BARD1: variants seen among roughly 807,000 people sequenced by gnomAD.
BARD1 encodes BRCA1-associated RING domain protein 1.
In BARD1, 73 loss-of-function variants were observed where a neutral mutation model predicts 77.0. The observed-to-expected ratio is 0.95, with a 90% CI of 0.79 to 1.15. The LOEUF (loss-of-function observed/expected upper bound fraction) is 1.15. BARD1 is among the 50% of genes most tolerant of loss of function. The pLI, the probability that BARD1 is intolerant of heterozygous loss-of-function variation, is 0.00. For synonymous variants in BARD1, 384 were observed against 338.0 expected (o/e 1.14, Z -1.49); for missense variants, 993 against 938.8 (o/e 1.06, Z -0.75).
Position 214,745,057 on chromosome 2 carries a change from C to G in BARD1, c.1903+10G>C, listed in dbSNP as rs772705699. 1 of 1,609,832 alleles carries G rather than the reference C, an allele frequency of 6.2e-7. No homozygotes were observed. The highest frequency in any genetic ancestry group is 2.2e-5 in the East Asian group (1 of 44,794). Reference sequence around the variant, plus strand: ...ATTCATTTCTTAATTCTCTCAAATCCAACACTTACATTCAAATTTTAGAAT... The same window carrying G: ...ATTCATTTCTTAATTCTCTCAAATCGAACACTTACATTCAAATTTTAGAAT... On this transcript the variant is annotated intron_variant, in intron 9 of 10. Coordinates refer to ENST00000260947, the MANE Select transcript of BARD1 (RefSeq NM_000465.4).
At chr2:214,791,010 A>G (rs533647736) in intron 3 of BARD1, among the ~76,000 whole-genome samples, 1 of 152,322 alleles carries the variant, frequency 6.6e-6, no homozygotes, top group Non-Finnish European at 1.5e-5. Flanking sequence ...TTAAATAAGA[A>G]GAGTTCAGAT....
chr2:214,809,650 G>C lies in BARD1; in HGVS notation c.-81C>G. ...GAAACCACAGGGAAGCTGCAGGCCA[G>C]CGACTCGAAACCGGCCAAGCTCTTC... On this transcript the variant is annotated 5_prime_UTR_variant, in exon 1 of 11. Coordinates refer to ENST00000260947, the MANE Select transcript of BARD1 (RefSeq NM_000465.4). 1 of 1,495,036 alleles carries C rather than the reference G, an allele frequency of 6.7e-7. No individual in the cohort carries two copies. The highest frequency in any genetic ancestry group is 9.0e-7 in the Non-Finnish European group (1 of 1,113,758). The allele number at this position is 1,495,036 out of a possible 1,614,324, so 92.6% of individuals were successfully genotyped here. A position where few individuals can be genotyped will look rare whatever the true frequency, so the allele number is the denominator to read the frequency against.
intron 9 of BARD1, among the ~76,000 whole-genome samples, chr2:214,743,518 A>C (rs1422309059): frequency 6.6e-6 from 1 of 152,244 alleles, no homozygotes; most frequent in Non-Finnish European, 1.5e-5. Context: ...AACATCTAAC[A>C]CCGCTATAAC....
rs538389082 is a variant in BARD1, at chr2:214,730,738, A to G, written c.1904-230T>C. On this transcript the variant is annotated intron_variant, in intron 9 of 10. Transcript: ENST00000260947. ...AACTCTTTCTTTGGAGGATTAAGCC[A>G]TAAGTTAGTACTGAACACTAACTGT... Among the ~76,000 whole-genome samples the G allele has an allele frequency of 2.6e-5, 4 of 152,348 alleles. No homozygotes were observed. The South Asian group carries it at 8.3e-4, about 32-fold the overall frequency.
intron 9 of BARD1, among the ~76,000 whole-genome samples, chr2:214,738,587 A>G (rs1049753468): frequency 6.6e-6 from 1 of 152,140 alleles, no homozygotes; most frequent in Non-Finnish European, 1.5e-5. Context: ...ACCACTGATG[A>G]TGGTCATGGT....
rs543606863 is a variant in BARD1 at position 214,780,880 on chromosome 2, T to C, written c.994A>G (p.Ile332Val). ...ATGCTGGTTCTACATCTCTTAGAAATGGGACTGGAAAGTCTATTGTGATGG... is the reference window on the plus strand; with the variant it reads ...ATGCTGGTTCTACATCTCTTAGAAACGGGACTGGAAAGTCTATTGTGATGG... ...RGHHNRLSSP[I>V]SKRCRTSILS... Residue 332 changes from isoleucine (I) to valine (V), a missense_variant, in exon 4 of 11, where the codon ATT (isoleucine) becomes GTT (valine). Ile to Val is a conservative substitution (Grantham distance 29). Coordinates refer to ENST00000260947, the MANE Select transcript of BARD1 (RefSeq NM_000465.4). The C allele has an allele frequency of 6.2e-7, 1 of 1,614,136 alleles. No individual in the cohort carries two copies. Among genetic ancestry groups the C allele is most frequent in the South Asian group, 1.1e-5 (1 of 91,086 alleles).
At chr2:214,740,297 G>T (rs1019019871) in intron 9 of BARD1, among the ~76,000 whole-genome samples, 32 of 152,058 alleles carry the variant, frequency 2.1e-4, no homozygotes, top group African/African-American at 7.7e-4. Context: ...ATACATGCAG[G>T]TTCTAATTTC....
At chr2:214,758,076 C>G (rs1222027299) in intron 6 of BARD1, among the ~76,000 whole-genome samples, 1 of 152,012 alleles carries the variant, frequency 6.6e-6, no homozygotes, top group Non-Finnish European at 1.5e-5. Flanking sequence ...GGACTTCCTC[C>G]CAAAGGCAAT....
At chr2:214,800,140 A>C (rs1695949912) in intron 1 of BARD1, among the ~76,000 whole-genome samples, 2 of 152,012 alleles carry the variant, frequency 1.3e-5, no homozygotes, top group South Asian at 4.1e-4. Context: ...AGATGACTGA[A>C]CTCTTTAGCT....
intron 9 of BARD1, among the ~76,000 whole-genome samples, chr2:214,734,231 C>G (rs1206127195): frequency 1.3e-5 from 2 of 151,786 alleles, no homozygotes; most frequent in Non-Finnish European, 2.9e-5. Flanking sequence ...AAGTGGTATT[C>G]AAAAATACTA....
chr2:214,769,697 T>C (rs1053552689), intron 4 of BARD1, among the ~76,000 whole-genome samples: 2 of 152,088 alleles, frequency 1.3e-5, no homozygotes, highest in Non-Finnish European at 2.9e-5. Context: ...GCCAAGATCA[T>C]GTCACTGCAC....
chr2:214,733,932 T>C (rs370101889), intron 9 of BARD1, among the ~76,000 whole-genome samples: 1 of 152,290 alleles, frequency 6.6e-6, no homozygotes, highest in South Asian at 2.1e-4. Flanking sequence ...AGCTTATACA[T>C]AGACAAACAT....
At chr2:214,766,428 ATAAT>A (rs1694198425) in intron 6 of BARD1, among the ~76,000 whole-genome samples, 1 of 152,242 alleles carries the variant, frequency 6.6e-6, no homozygotes, top group South Asian at 2.1e-4. Flanking sequence ...AGCATACAAA[ATAAT>A]TATTTCTACA....
rs2105982961 is a variant in BARD1, at chr2:214,726,873, A to G, written c.*1803T>C. On this transcript the variant is annotated 3_prime_UTR_variant, in exon 11 of 11. Transcript: ENST00000260947. ...ATAAACCAAGAAAATGAATGACAAA[A>G]ACTAAGAGACCTCATAGGTGTCTTT... 4.4e-6 allele frequency: 1 copy of G among 228,906 alleles called. No homozygotes were observed. The allele number at this position is 228,906 out of a possible 1,614,324, so 14.2% of individuals were successfully genotyped here.
At position 214,726,840 on chromosome 2, in the gene BARD1, G is replaced by C. The variant is rs1254533811; in HGVS notation, c.*1836C>G. ...TCAGGGAAAAACAACAAAAAGAAGG[G>C]AGGGGTGATAAACCAAGAAAATGAA... On this transcript the variant is annotated 3_prime_UTR_variant, in exon 11 of 11. Coordinates refer to ENST00000260947, the MANE Select transcript of BARD1 (RefSeq NM_000465.4). The C allele has an allele frequency of 8.7e-6, 2 of 229,148 alleles. No individual in the cohort carries two copies. The highest frequency in any genetic ancestry group is 1.7e-5 in the Non-Finnish European group (2 of 115,500). 14.2% of individuals were successfully genotyped at this position (229,148 alleles called of 1,614,324 possible). A position where few individuals can be genotyped will look rare whatever the true frequency, so the allele number is the denominator to read the frequency against.
intron 4 of BARD1, among the ~76,000 whole-genome samples, chr2:214,777,830 A>G (rs762138708): frequency 1.3e-5 from 2 of 152,252 alleles, no homozygotes; most frequent in Non-Finnish European, 2.9e-5. Context: ...CAGAATTGCA[A>G]TATGTGTACA....
chr2:214,809,011 C>A (rs573992640), intron 1 of BARD1, among the ~76,000 whole-genome samples: 1 of 152,308 alleles, frequency 6.6e-6, no homozygotes, highest in South Asian at 2.1e-4. Flanking sequence ...CCCGCCAGCC[C>A]AATTCGCCAC....
chr2:214,742,519 G>A (rs957916282), intron 9 of BARD1, among the ~76,000 whole-genome samples: 1 of 152,094 alleles, frequency 6.6e-6, no homozygotes, highest in Non-Finnish European at 1.5e-5. Context: ...AAAATATGAC[G>A]ATATGAACTT....
chr2:214,730,035 T>C (rs781612941), intron 10 of BARD1, among the ~76,000 whole-genome samples: 14 of 152,210 alleles, frequency 9.2e-5, no homozygotes, highest in African/African-American at 3.4e-4. Flanking sequence ...AATATACTTA[T>C]ATAATATCAA....
Sources: gnomAD v4.1 joint callset for allele counts (sites outside exome capture counted in the v4.1 genomes callset) on GRCh38, gnomAD v4.1.1 for gene constraint, MANE v1.5 for transcripts, NCBI Gene and HGNC (gene_info 2026-07-23, HGNC 2026-07-21) for gene names.